Variants in DAPK2 observed in about 807,000 individuals in gnomAD.
The protein encoded by DAPK2 is death associated protein kinase 2.
Under a neutral mutation model 44.1 loss-of-function variants are expected in DAPK2, and 35 were observed. The observed-to-expected ratio is 0.79, with a 90% CI of 0.61 to 1.05. DAPK2 has a LOEUF of 1.05. Ranked by LOEUF, DAPK2 falls within the 50% of genes least tolerant of loss-of-function variation. The pLI, the probability that DAPK2 is intolerant of heterozygous loss-of-function variation, is 0.00. For synonymous variants in DAPK2, 174 were observed against 182.6 expected, an observed-to-expected ratio of 0.95 and a Z score of 0.38; for missense variants, 453 against 483.2, an observed-to-expected ratio of 0.94 and a Z score of 0.59.
At position 63,923,351 on chromosome 15, in the gene DAPK2, G is replaced by A. The variant is rs1471076352; in HGVS notation, c.858+1465C>T. 1 of 1,531,782 alleles carries A rather than the reference G, an allele frequency of 6.5e-7. No homozygotes were observed. The highest frequency in any genetic ancestry group is 2.0e-5 in the Admixed American group (1 of 50,868). The allele number at this position is 1,531,782 out of a possible 1,614,324, so 94.9% of individuals were successfully genotyped here. ...TCTGCCTTCTCCTTTTGACTGGTGGGTGTTCAGACAGAAGAATCAGAGTGT... is the reference window on the plus strand; with the variant it reads ...TCTGCCTTCTCCTTTTGACTGGTGGATGTTCAGACAGAAGAATCAGAGTGT... On this transcript the variant is annotated intron_variant, in intron 8 of 10. Coordinates refer to ENST00000261891, the Ensembl canonical transcript of DAPK2. The surrounding 1 kb of genome is among the most constrained non-coding windows in gnomAD (Gnocchi z 4.2).
intron 1 of DAPK2, 92 bp downstream of exon 2, chr15:64,040,078 G>C: frequency 1.0e-6 from 1 of 977,930 alleles, no homozygotes; most frequent in South Asian, 1.3e-5. Context: ...TGGTCCTGTG[G>C]CCCTGCCTTC....
intron 4 of DAPK2, among the ~76,000 whole-genome samples, chr15:63,933,305 G>A (rs1201039088): frequency 6.6e-6 from 1 of 152,014 alleles, no homozygotes; most frequent in Non-Finnish European, 1.5e-5. Flanking sequence ...GTGCAATGAT[G>A]TGATCTCGGC....
At chr15:63,950,224 A>AT (rs749023266) in intron 3 of DAPK2, among the ~76,000 whole-genome samples, 10 of 151,690 alleles carry the variant, frequency 6.6e-5, no homozygotes, top group Non-Finnish European at 8.8e-5. Flanking sequence ...AGAGAAAACA[A>AT]TTTTTTTTTG....
At position 64,034,027 on chromosome 15, in the gene DAPK2, T is replaced by C. The variant is rs2080105751; in HGVS notation, c.92+6143A>G. Among the ~76,000 whole-genome samples the C allele has an allele frequency of 2.6e-5, 4 of 152,304 alleles. No individual in the cohort carries two copies. In the South Asian group the frequency reaches 8.3e-4, roughly 32 times the overall value. On this transcript the variant is annotated intron_variant, in intron 1 of 10. Coordinates refer to ENST00000261891, the Ensembl canonical transcript of DAPK2. The stretch of plus-strand genomic sequence containing the variant: ...TTACTTTATACTCTTCATAACTTTA[T>C]GACATTCACCTCGAATAACTTCTAT...
At chr15:63,930,951 C>T (rs116008514) in intron 4 of DAPK2, among the ~76,000 whole-genome samples, 2,454 of 152,192 alleles carry the variant, frequency 0.016, 63 homozygotes, top group African/African-American at 0.052. Flanking sequence ...GTCCCAGGTA[C>T]TTGGGAAGAG....
chr15:64,007,926 C>G (rs1288542312), intron 1 of DAPK2, among the ~76,000 whole-genome samples: 1 of 152,178 alleles, frequency 6.6e-6, no homozygotes, highest in Non-Finnish European at 1.5e-5. Context: ...TCACAAAGGA[C>G]CGCATGTTGT....
chr15:63,951,316 G>C (rs1020306534), intron 3 of DAPK2, among the ~76,000 whole-genome samples: 12 of 152,094 alleles, frequency 7.9e-5, no homozygotes, highest in African/African-American at 2.9e-4. Context: ...ATCATGCAAG[G>C]GGGTGCGGTT....
intron 8 of DAPK2, chr15:63,921,315 T>G (rs974013166): frequency 1.3e-5 from 2 of 152,158 alleles, no homozygotes; most frequent in Non-Finnish European, 2.9e-5. Context: ...CATTAGAAGG[T>G]CTCTACTTTT....
At chr15:64,016,649 C>G (rs985382282) in intron 1 of DAPK2, among the ~76,000 whole-genome samples, 7 of 152,018 alleles carry the variant, frequency 4.6e-5, no homozygotes, top group African/African-American at 7.2e-5. Context: ...ATAAATTAGC[C>G]GGGCATGTTT....
Position 63,939,528 on chromosome 15 carries a change from A to G in DAPK2, c.454-167T>C, listed in dbSNP as rs539783019. ...AAACTCTTCCTTGTTTTTGGTCCTC[A>G]GTCTTCTCTGTGAACCCAAAGACAG... is the stretch of plus-strand genomic sequence containing the variant. On this transcript the variant is annotated intron_variant, in intron 3 of 10. Coordinates refer to ENST00000261891, the Ensembl canonical transcript of DAPK2. This position sits in a 1 kb window ranked among gnomAD's most constrained non-coding sequence, Gnocchi z 4.3. 6.6e-6 allele frequency among the ~76,000 whole-genome samples: 1 copy of G among 152,286 alleles called. No homozygotes were observed. Among genetic ancestry groups the G allele is most frequent in the African/African-American group, 2.4e-5 (1 of 41,562 alleles).
At chr15:63,957,475 T>C (rs1305239984) in intron 3 of DAPK2, among the ~76,000 whole-genome samples, 1 of 151,406 alleles carries the variant, frequency 6.6e-6, no homozygotes, top group Non-Finnish European at 1.5e-5. Context: ...TCATTTACAT[T>C]AGGTGTATCT....
rs1390021317 is a variant in DAPK2, at chr15:63,912,411, C to T, written c.859-214G>A. Among the ~76,000 whole-genome samples, 1 of 152,236 alleles carries T rather than the reference C, an allele frequency of 6.6e-6. No homozygotes were observed. The highest frequency in any genetic ancestry group is 1.5e-5 in the Non-Finnish European group (1 of 68,050). On this transcript the variant is annotated intron_variant, in intron 8 of 10. Coordinates refer to ENST00000261891, the Ensembl canonical transcript of DAPK2. The surrounding 1 kb of genome is among the most constrained non-coding windows in gnomAD (Gnocchi z 4.4). The stretch of plus-strand genomic sequence containing the variant: ...GGAGTTGCCTCTCAGCTATTATTAC[C>T]ACAGCCTGACACACACACAGCCTTG...
chr15:63,913,946 C>A (rs1430691647), intron 8 of DAPK2, among the ~76,000 whole-genome samples: 1 of 152,230 alleles, frequency 6.6e-6, no homozygotes, highest in Non-Finnish European at 1.5e-5. Context: ...GACTGGAGGG[C>A]ACAGACTTTC....
At chr15:63,979,703 A>G (rs552964234) in intron 2 of DAPK2, among the ~76,000 whole-genome samples, 14 of 152,286 alleles carry the variant, frequency 9.2e-5, no homozygotes, top group Non-Finnish European at 1.5e-4. Context: ...ACTGGAGGCC[A>G]GGAGTTCAAG....
intron 8 of DAPK2, among the ~76,000 whole-genome samples, chr15:63,913,529 C>T (rs951313281): frequency 6.6e-6 from 1 of 152,208 alleles, no homozygotes. Flanking sequence ...GCTCTGACAG[C>T]CTTCCTGCCG....
chr15:64,043,654 C>G (rs147870206), upstream of DAPK2, among the ~76,000 whole-genome samples: 76 of 152,248 alleles, frequency 5.0e-4, 1 homozygote, highest in African/African-American at 1.8e-3. Flanking sequence ...GTTTCCTGAT[C>G]TGGGTGGTAG....
At chr15:63,911,924 C>T (rs1284356028) in exon 10 of DAPK2, 1 of 1,613,822 alleles carries the variant, frequency 6.2e-7, no homozygotes. Flanking sequence ...CTCATCCGGC[C>T]TCAGGTGCAC....
rs148446544 is a variant in DAPK2, at chr15:63,990,026, C to T, written c.93-6272G>A. Among the ~76,000 whole-genome samples the T allele has an allele frequency of 1.3e-5, 2 of 152,100 alleles. No individual in the cohort carries two copies. The highest frequency in any genetic ancestry group is 2.9e-5 in the Non-Finnish European group (2 of 68,020). Reference sequence around the variant, plus strand: ...TTTTAAATTCTCAAAAGGCAATATACCCCTTACGGCCTGCATCAAGGTAGA... The same window carrying T: ...TTTTAAATTCTCAAAAGGCAATATATCCCTTACGGCCTGCATCAAGGTAGA... On this transcript the variant is annotated intron_variant, in intron 1 of 10. Coordinates refer to ENST00000261891, the Ensembl canonical transcript of DAPK2. This position sits in a 1 kb window ranked among gnomAD's most constrained non-coding sequence, Gnocchi z 4.3.
intron 1 of DAPK2, among the ~76,000 whole-genome samples, chr15:64,000,440 C>T (rs2079055977): frequency 1.3e-5 from 2 of 152,294 alleles, no homozygotes; most frequent in Admixed American, 1.3e-4. Flanking sequence ...CTCTACAAAG[C>T]CTCTGGTTTT....
Sources: gnomAD v4.1 joint callset for allele counts (sites outside exome capture counted in the v4.1 genomes callset) on GRCh38, gnomAD v4.1.1 for gene constraint, Gnocchi (gnomAD v3.1) non-coding constraint, MANE v1.5 for transcripts, NCBI Gene and HGNC (gene_info 2026-07-23, HGNC 2026-07-21) for gene names.